GABRG3: variants seen among roughly 807,000 people sequenced by gnomAD.
GABRG3 encodes the protein gamma-aminobutyric acid type A receptor subunit gamma3.
Under a neutral mutation model 48.8 loss-of-function variants are expected in GABRG3, and 25 were observed. The observed-to-expected ratio is 0.51, with a 90% CI of 0.37 to 0.72. The LOEUF is 0.72. GABRG3 is among the 30% of genes least tolerant of loss of function. The pLI is 0.00. For missense variants in GABRG3, 394 were observed against 577.9 expected, an observed-to-expected ratio of 0.68 and a Z score of 3.26; for synonymous variants, 227 against 217.6, an observed-to-expected ratio of 1.04 and a Z score of -0.38.
intron 3 of GABRG3, among the ~76,000 whole-genome samples, chr15:27,069,490 A>G (rs891634869): frequency 1.3e-5 from 2 of 152,200 alleles, no homozygotes; most frequent in Non-Finnish European, 2.9e-5. Context: ...ACTGTCAGAG[A>G]GACTCGCGCA....
At chr15:27,263,511 G>A (rs1890824566) in intron 3 of GABRG3, among the ~76,000 whole-genome samples, 1 of 152,062 alleles carries the variant, frequency 6.6e-6, no homozygotes. Context: ...AGCCATTTTA[G>A]GAGCAGATAG....
chr15:27,059,323 A>G (rs1179090304), intron 3 of GABRG3, among the ~76,000 whole-genome samples: 2 of 152,198 alleles, frequency 1.3e-5, no homozygotes, highest in Non-Finnish European at 2.9e-5. Context: ...TTCCCATCTG[A>G]CAGAGACCAT....
intron 5 of GABRG3, among the ~76,000 whole-genome samples, chr15:27,395,015 A>G (rs1263739233): frequency 2.6e-5 from 4 of 152,192 alleles, no homozygotes; most frequent in Non-Finnish European, 5.9e-5. Context: ...TTTAGAAAGT[A>G]TGAGGTCATT....
At chr15:27,187,266 C>G (rs1236940632) in intron 3 of GABRG3, among the ~76,000 whole-genome samples, 1 of 152,070 alleles carries the variant, frequency 6.6e-6, no homozygotes, top group Non-Finnish European at 1.5e-5. Context: ...GTTCTGTATT[C>G]TGTTCTATGG....
At chr15:26,973,517 T>C (rs1894882501) in intron 1 of GABRG3, among the ~76,000 whole-genome samples, 2 of 152,234 alleles carry the variant, frequency 1.3e-5, no homozygotes, top group Non-Finnish European at 2.9e-5. Context: ...AAAACTGTTT[T>C]AAATTTGGAG....
At chr15:27,228,971 G>T (rs1199148913) in intron 3 of GABRG3, among the ~76,000 whole-genome samples, 1 of 152,094 alleles carries the variant, frequency 6.6e-6, no homozygotes. Context: ...TTAGACCTTT[G>T]TCAGATGCAT....
intron 3 of GABRG3, among the ~76,000 whole-genome samples, chr15:27,262,531 G>A (rs1456128718): frequency 6.6e-6 from 1 of 152,166 alleles, no homozygotes; most frequent in African/African-American, 2.4e-5. Context: ...TACCCCATCT[G>A]AGTATTGAGG....
chr15:27,190,624 T>G (rs562046712), intron 3 of GABRG3, among the ~76,000 whole-genome samples: 1 of 152,264 alleles, frequency 6.6e-6, no homozygotes, highest in South Asian at 2.1e-4. Flanking sequence ...TCTTTTTTTC[T>G]TTATTAGTCT....
intron 3 of GABRG3, among the ~76,000 whole-genome samples, chr15:27,237,487 G>T (rs143826256): frequency 6.6e-6 from 1 of 152,124 alleles, no homozygotes; most frequent in African/African-American, 2.4e-5. Context: ...GCCGGCAGTC[G>T]CCAACAGCCG....
intron 5 of GABRG3, among the ~76,000 whole-genome samples, chr15:27,473,832 A>G (rs1413038988): frequency 2.0e-5 from 3 of 152,236 alleles, no homozygotes; most frequent in Non-Finnish European, 4.4e-5. Flanking sequence ...CTAATAGTTA[A>G]AAACAGTATC....
chr15:27,129,688 G>A (rs977287968), intron 3 of GABRG3, among the ~76,000 whole-genome samples: 5 of 150,838 alleles, frequency 3.3e-5, no homozygotes, highest in African/African-American at 1.2e-4. Flanking sequence ...CCACATCCTC[G>A]CCAACACTTG....
In GABRG3 at chr15:27,341,332, G is replaced by T. The variant is rs532722305; in HGVS notation, c.574+12444G>T. 1.4e-4 allele frequency among the ~76,000 whole-genome samples: 21 copies of T among 152,210 alleles called. No individual in the cohort carries two copies. The South Asian group carries it at 2.7e-3, about 20-fold the overall frequency. Reference sequence around the variant, plus strand: ...AAAAGAGCTAACCGCTAGCTTCTTTGTGTGTTTTTGTTATAGTTTATGATG... The same window carrying T: ...AAAAGAGCTAACCGCTAGCTTCTTTTTGTGTTTTTGTTATAGTTTATGATG... On this transcript the variant is annotated intron_variant, in intron 5 of 9. Coordinates refer to ENST00000615808, the MANE Select transcript of GABRG3 (RefSeq NM_033223.5).
At chr15:27,054,813 G>C (rs886305509) in intron 3 of GABRG3, among the ~76,000 whole-genome samples, 1 of 152,090 alleles carries the variant, frequency 6.6e-6, no homozygotes, top group Non-Finnish European at 1.5e-5. Context: ...GCACCACACT[G>C]AAGCCCTGAG....
At chr15:27,276,976 T>A (rs1259573873) in intron 3 of GABRG3, among the ~76,000 whole-genome samples, 1 of 152,222 alleles carries the variant, frequency 6.6e-6, no homozygotes, top group East Asian at 1.9e-4. Flanking sequence ...GGGAGAAGTT[T>A]GTGGTTTGTT....
intron 3 of GABRG3, among the ~76,000 whole-genome samples, chr15:27,220,858 A>T (rs937832186): frequency 2.0e-5 from 3 of 151,954 alleles, no homozygotes; most frequent in Admixed American, 6.6e-5. Flanking sequence ...CCTAAGGGGG[A>T]TCTCTGCCCT....
intron 3 of GABRG3, among the ~76,000 whole-genome samples, chr15:27,186,503 T>C (rs188444653): frequency 6.4e-4 from 97 of 152,350 alleles, no homozygotes; most frequent in Non-Finnish European, 1.2e-3. Context: ...TTTGGTAGAA[T>C]GATTTAGTTT....
intron 5 of GABRG3, among the ~76,000 whole-genome samples, chr15:27,386,684 T>C (rs960955581): frequency 6.6e-6 from 1 of 152,204 alleles, no homozygotes; most frequent in African/African-American, 2.4e-5. Context: ...GGAGCTTGAA[T>C]TGGATGTGAG....
At chr15:27,094,044 GCA>G (rs753308397) in intron 3 of GABRG3, among the ~76,000 whole-genome samples, 1 of 152,184 alleles carries the variant, frequency 6.6e-6, no homozygotes, top group Non-Finnish European at 1.5e-5. Flanking sequence ...AGATCACATT[GCA>G]CAGTCTTTGG....
rs1165472550 is a variant in GABRG3, at chr15:27,306,946, A to G, written c.271-19863A>G. On this transcript the variant is annotated intron_variant, in intron 3 of 9. Coordinates refer to ENST00000615808, the MANE Select transcript of GABRG3 (RefSeq NM_033223.5). ...TAAACATGTTTATATATAAACATAT[A>G]TAATATAAACATGTTTATATATAAA... Among the ~76,000 whole-genome samples the G allele has an allele frequency of 6.8e-5, 8 of 118,118 alleles. 1 individual carries two copies. The highest frequency in any genetic ancestry group is 1.4e-4 in the Non-Finnish European group (8 of 56,196). The allele number at this position is 118,118 out of a possible 152,430, so 77.5% of individuals were successfully genotyped here.
Sources: gnomAD v4.1 joint callset for allele counts (sites outside exome capture counted in the v4.1 genomes callset) on GRCh38, gnomAD v4.1.1 for gene constraint, MANE v1.5 for transcripts, NCBI Gene and HGNC (gene_info 2026-07-23, HGNC 2026-07-21) for gene names.